Variants in REEP1 observed in about 807,000 individuals in gnomAD.
REEP1 encodes the protein receptor accessory protein 1.
In REEP1, 22 loss-of-function variants were observed where a neutral mutation model predicts 40.3. The observed-to-expected ratio is 0.55, with a 90% CI of 0.39 to 0.78. REEP1 has a LOEUF of 0.78. REEP1 is among the 30% of genes least tolerant of loss of function. The probability of loss-of-function intolerance (pLI) is 0.00; values close to 1 mark genes in which losing one functional copy is unlikely to be tolerated. For missense variants in REEP1, 280 were observed against 361.1 expected (o/e 0.78, Z 1.82); for synonymous variants, 116 against 139.2 (o/e 0.83, Z 1.17).
At chr2:86,256,446 C>T (rs1457841348) in intron 3 of REEP1, among the ~76,000 whole-genome samples, 2 of 151,926 alleles carry the variant, frequency 1.3e-5, no homozygotes, top group African/African-American at 4.8e-5. Context: ...CTCTGATGGA[C>T]TCTCACATTC....
chr2:86,337,533 G>A lies in REEP1; in HGVS notation c.-23C>T. 4 of 1,250,738 alleles carry A rather than the reference G, an allele frequency of 3.2e-6. No homozygotes were observed. Among genetic ancestry groups the A allele is most frequent in the Non-Finnish European group, 4.0e-6 (4 of 995,750 alleles). The allele number at this position is 1,250,738 out of a possible 1,614,324, so 77.5% of individuals were successfully genotyped here. Reference sequence around the variant, plus strand: ...CATGGCGGGCAGGCGGGCGGGCGAGGCCCGGGCGGCGCGGCTCGGCTAGGC... The same window carrying A: ...CATGGCGGGCAGGCGGGCGGGCGAGACCCGGGCGGCGCGGCTCGGCTAGGC... On this transcript the variant is annotated 5_prime_UTR_variant, in exon 1 of 9. Transcript: ENST00000538924. This position sits in a 1 kb window ranked among gnomAD's most constrained non-coding sequence, Gnocchi z 5.8.
At chr2:86,299,662 T>C (rs1171437537) in intron 1 of REEP1, among the ~76,000 whole-genome samples, 2 of 152,190 alleles carry the variant, frequency 1.3e-5, no homozygotes, top group Non-Finnish European at 2.9e-5. Flanking sequence ...GCGTTCATCT[T>C]ATACAAGCCA....
chr2:86,258,427 T>C (rs1036315514), intron 3 of REEP1, among the ~76,000 whole-genome samples: 3 of 152,250 alleles, frequency 2.0e-5, no homozygotes, highest in Non-Finnish European at 4.4e-5. Flanking sequence ...TCAAAACATT[T>C]ACTATCTGGC....
At position 86,217,254 on chromosome 2, in the gene REEP1, C is replaced by T. The variant is rs1052166439; in HGVS notation, c.784-144G>A. Reference sequence around the variant, plus strand: ...TAGGGCTGGGGTCTCCCTGAATCTCCGCAACAGGAAGCAATCATCAGAGTC... The same window carrying T: ...TAGGGCTGGGGTCTCCCTGAATCTCTGCAACAGGAAGCAATCATCAGAGTC... On this transcript the variant is annotated intron_variant, in intron 8 of 8. Coordinates refer to ENST00000538924, the MANE Select transcript of REEP1 (RefSeq NM_001371279.1). 4.8e-5 allele frequency: 35 copies of T among 724,182 alleles called. 1 individual carries two copies. Among genetic ancestry groups the T allele is most frequent in the Non-Finnish European group, 7.3e-5 (29 of 394,958 alleles). The allele number at this position is 724,182 out of a possible 1,614,324, so 44.9% of individuals were successfully genotyped here. A position where few individuals can be genotyped will look rare whatever the true frequency, so the allele number is the denominator to read the frequency against.
intron 2 of REEP1, among the ~76,000 whole-genome samples, chr2:86,273,975 A>G (rs1034762959): frequency 3.3e-5 from 5 of 152,250 alleles, no homozygotes; most frequent in Admixed American, 3.3e-4. Context: ...AGTATGTTTC[A>G]AATGACCGGA....
chr2:86,305,838 C>A (rs1176750285), intron 1 of REEP1, among the ~76,000 whole-genome samples: 1 of 152,158 alleles, frequency 6.6e-6, no homozygotes, highest in African/African-American at 2.4e-5. Flanking sequence ...CCGGAGGACT[C>A]GAGAAACTTC....
chr2:86,274,699 G>C (rs1209477133), intron 2 of REEP1, among the ~76,000 whole-genome samples: 1 of 152,220 alleles, frequency 6.6e-6, no homozygotes, highest in Non-Finnish European at 1.5e-5. Context: ...TCAGAATAGA[G>C]AGAGGGAGCT....
intron 5 of REEP1, among the ~76,000 whole-genome samples, chr2:86,233,601 T>C (rs1385637959): frequency 6.6e-6 from 1 of 152,142 alleles, no homozygotes; most frequent in East Asian, 1.9e-4. Flanking sequence ...GTGAAAATGA[T>C]CACAGTGAAG....
At chr2:86,268,551 C>T (rs1677263370) in intron 2 of REEP1, among the ~76,000 whole-genome samples, 1 of 152,146 alleles carries the variant, frequency 6.6e-6, no homozygotes, top group Admixed American at 6.5e-5. Context: ...GATGTCAGCT[C>T]TTCCCAACTT....
rs3731815 is a variant in REEP1 at position 86,217,395 on chromosome 2, T to G, written c.784-285A>C. ...TGCAGAATGACACATCTTTCTTGTT[T>G]CTGCCTGAGGAGCAAAATTATCTTA... On this transcript the variant is annotated intron_variant, in intron 8 of 8. Transcript: ENST00000538924. Among the ~76,000 whole-genome samples, 884 of 152,316 alleles carry G rather than the reference T, an allele frequency of 5.8e-3. 19 individuals are homozygous for G. In the East Asian group the frequency reaches 0.077, roughly 13 times the overall value.
intron 1 of REEP1, among the ~76,000 whole-genome samples, chr2:86,288,771 A>G (rs1048289671): frequency 2.8e-5 from 4 of 140,758 alleles, no homozygotes; most frequent in Non-Finnish European, 1.5e-5. Context: ...CCAAACTTAT[A>G]TAGTCAGACT....
intron 1 of REEP1, among the ~76,000 whole-genome samples, chr2:86,330,414 GGTGTGTGTGTGTGTGTGT>G (rs55660803): frequency 0.015 from 1,949 of 127,872 alleles, 59 homozygotes; most frequent in African/African-American, 0.054. Context: ...AGTGAATCCT[GGTGTGTGTGTGTGTGTGT>G]GTGTGTGTGT....
chr2:86,288,032 A>ATTTTTTTTTTTTTTTTTTTT lies in REEP1; in HGVS notation c.33-5791_33-5790insAAAAAAAAAAAAAAAAAAAA. On this transcript the variant is annotated intron_variant, in intron 1 of 8. Transcript: ENST00000538924. ...TAAAATTATTTATTTTATTTTTATTATTTTTTTGAGATGGAGTCTCGCTCC... is the reference window on the plus strand; with the variant it reads ...TAAAATTATTTATTTTATTTTTATTATTTTTTTTTTTTTTTTTTTTTTTTTTTGAGATGGAGTCTCGCTCC... 2.3e-4 allele frequency among the ~76,000 whole-genome samples: 35 copies of ATTTTTTTTTTTTTTTTTTTT among 149,824 alleles called. 1 individual carries two copies. The highest frequency in any genetic ancestry group is 7.6e-4 in the African/African-American group (30 of 39,450).
chr2:86,222,563 CA>C (rs1674486298), intron 7 of REEP1, among the ~76,000 whole-genome samples: 1 of 152,222 alleles, frequency 6.6e-6, no homozygotes. Flanking sequence ...GGCTGTTGCA[CA>C]GTGGACTGAA....
At chr2:86,235,710 T>C (rs186871951) in intron 5 of REEP1, among the ~76,000 whole-genome samples, 4 of 152,268 alleles carry the variant, frequency 2.6e-5, no homozygotes, top group South Asian at 4.1e-4. Flanking sequence ...ATCGTACACG[T>C]TCATTTTAGC....
chr2:86,328,185 T>G (rs1680602755), intron 1 of REEP1, among the ~76,000 whole-genome samples: 3 of 152,216 alleles, frequency 2.0e-5, no homozygotes, highest in Admixed American at 2.0e-4. Flanking sequence ...TGCATGTTCT[T>G]GGAAATCCAA....
intron 1 of REEP1, among the ~76,000 whole-genome samples, chr2:86,300,097 T>A (rs1302106760): frequency 6.6e-6 from 1 of 152,178 alleles, no homozygotes; most frequent in African/African-American, 2.4e-5. Context: ...TCTGGACTGT[T>A]TGAACCTCTG....
intron 2 of REEP1, among the ~76,000 whole-genome samples, chr2:86,275,319 C>T (rs1416599320): frequency 1.3e-5 from 2 of 152,206 alleles, no homozygotes; most frequent in African/African-American, 4.8e-5. Context: ...TGTTCACGCA[C>T]TGTCACCGGG....
At chr2:86,303,498 C>T (rs975389372) in intron 1 of REEP1, among the ~76,000 whole-genome samples, 1 of 151,556 alleles carries the variant, frequency 6.6e-6, no homozygotes, top group Admixed American at 6.6e-5. Context: ...TGATTACAGA[C>T]ATGAGCCACC....
Sources: allele counts gnomAD v4.1 joint callset (sites outside exome capture counted in the v4.1 genomes callset), GRCh38; gene constraint gnomAD v4.1.1; non-coding constraint Gnocchi (gnomAD v3.1); transcripts MANE v1.5; gene names NCBI Gene and HGNC (gene_info 2026-07-23, HGNC 2026-07-21).